CCDC88A: variants seen among roughly 807,000 people sequenced by gnomAD.
CCDC88A encodes the protein coiled-coil and HOOK domain protein 88A, also known as girdin.
A neutral mutation model predicts 234.3 loss-of-function variants in CCDC88A; 54 were observed. The ratio of observed to expected loss-of-function variants is 0.23; its 90% confidence interval spans 0.19 to 0.29. The LOEUF (loss-of-function observed/expected upper bound fraction) is 0.29. Among genes scored for constraint, CCDC88A ranks in the 10% least tolerant of loss-of-function variants. The probability of loss-of-function intolerance (pLI) is 1.00; values close to 1 mark genes in which losing one functional copy is unlikely to be tolerated. For synonymous variants in CCDC88A, 753 were observed against 737.8 expected, an observed-to-expected ratio of 1.02 and a Z score of -0.33; for missense variants, 1,832 against 2,123.4, an observed-to-expected ratio of 0.86 and a Z score of 2.70.
rs1249717153 is a variant in CCDC88A, at chr2:55,303,144, G to A, written c.4396C>T (p.Leu1466=). The change falls in exon 26 of 33, where the codon CTG becomes TTG. Residue 1466 remains leucine, a synonymous_variant. Coordinates refer to ENST00000436346, the MANE Select transcript of CCDC88A (RefSeq NM_001365480.1). ...TTCCTCAAAAAGGGCAGTCTTTTCA[G>A]TGCAACCACTTTAATGTCAGAGCAT... ...LGTKKSSMVA[L]KRLPFLRNRP... 3.9e-6 allele frequency: 6 copies of A among 1,548,346 alleles called. No individual in the cohort carries two copies. The highest frequency in any genetic ancestry group is 2.4e-5 in the South Asian group (2 of 83,972).
At chr2:55,348,274 T>C (rs1669429475) in intron 9 of CCDC88A, among the ~76,000 whole-genome samples, 3 of 123,372 alleles carry the variant, frequency 2.4e-5, no homozygotes, top group Admixed American at 2.3e-4. Flanking sequence ...CCAAGTGACT[T>C]AATTTTTTTT....
Position 55,317,150 on chromosome 2 carries a change from T to C in CCDC88A, c.3746+56A>G. On this transcript the variant is annotated intron_variant, in intron 21 of 32. Transcript: ENST00000436346. This position sits in a 1 kb window ranked among gnomAD's most constrained non-coding sequence, Gnocchi z 4.2. ...TTGAAAAAACATATATATACACATA[T>C]ATATGTATATACTTTCTATATAAAA... 1 of 706,396 alleles carries C rather than the reference T, an allele frequency of 1.4e-6. No individual in the cohort carries two copies. The highest frequency in any genetic ancestry group is 2.0e-6 in the Non-Finnish European group (1 of 492,290). 43.8% of individuals were successfully genotyped at this position (706,396 alleles called of 1,614,324 possible). A position where few individuals can be genotyped will look rare whatever the true frequency, so the allele number is the denominator to read the frequency against.
At chr2:55,375,441 C>T (rs1337005430) in intron 3 of CCDC88A, among the ~76,000 whole-genome samples, 3 of 143,508 alleles carry the variant, frequency 2.1e-5, no homozygotes, top group African/African-American at 7.8e-5. Context: ...ACTAAAAATA[C>T]ATCAAATTTA....
chr2:55,345,858 T>G, intron 10 of CCDC88A: 1 of 185,336 alleles, frequency 5.4e-6, no homozygotes. Flanking sequence ...GCTTTCACTT[T>G]TGGAAAAAAG....
intron 28 of CCDC88A, 163 bp from the exon 29 acceptor site, chr2:55,300,082 A>G (rs537286201): frequency 1.7e-6 from 1 of 587,670 alleles, no homozygotes; most frequent in East Asian, 2.9e-5. Context: ...GTTCATTGAG[A>G]CACTTTAGAA....
At chr2:55,370,199 T>C (rs1161602715) in intron 5 of CCDC88A, among the ~76,000 whole-genome samples, 1 of 152,178 alleles carries the variant, frequency 6.6e-6, no homozygotes, top group African/African-American at 2.4e-5. Context: ...CTTGACAAGC[T>C]GATATCATAT....
intron 13 of CCDC88A, 43 bp from the exon 14 acceptor site, chr2:55,336,861 T>C (rs1255093428): frequency 7.6e-7 from 1 of 1,318,324 alleles, no homozygotes; most frequent in Non-Finnish European, 1.1e-6. Flanking sequence ...AAATATTCTG[T>C]AACAGTGAAA....
chr2:55,310,011 G>A (rs1472731917), intron 23 of CCDC88A, among the ~76,000 whole-genome samples: 2 of 152,086 alleles, frequency 1.3e-5, no homozygotes, highest in Admixed American at 6.6e-5. Context: ...CTTAGATCAC[G>A]AAATAAAGCC....
At chr2:55,390,233 C>T (rs899510862) in intron 2 of CCDC88A, among the ~76,000 whole-genome samples, 2 of 151,988 alleles carry the variant, frequency 1.3e-5, no homozygotes, top group African/African-American at 4.8e-5. Flanking sequence ...AGATTCTTAT[C>T]TTTGCTTTTG....
intron 8 of CCDC88A, among the ~76,000 whole-genome samples, chr2:55,353,695 CT>C (rs1476695033): frequency 1.9e-4 from 26 of 139,506 alleles, no homozygotes; most frequent in Admixed American, 1.9e-3. Context: ...ATCCTTTGTT[CT>C]TTTAAAAGTA....
At chr2:55,379,773 C>G (rs775580790) in intron 3 of CCDC88A, among the ~76,000 whole-genome samples, 1 of 151,834 alleles carries the variant, frequency 6.6e-6, no homozygotes, top group African/African-American at 2.4e-5. Context: ...ATTAGCCAGG[C>G]GTGGTGGTGC....
intron 2 of CCDC88A, among the ~76,000 whole-genome samples, chr2:55,415,578 G>A (rs1244423550): frequency 3.3e-5 from 5 of 152,160 alleles, no homozygotes; most frequent in African/African-American, 1.2e-4. Flanking sequence ...TCTGAGCTGA[G>A]GGGACAGAAC....
intron 8 of CCDC88A, among the ~76,000 whole-genome samples, chr2:55,353,649 C>CAAAAAAAAAAAAAAAAAAAAAAA (rs34022778): frequency 1.3e-5 from 1 of 77,080 alleles, no homozygotes. Context: ...GAAACCAAAC[C>CAAAAAAAAAAAAAAAAAAAAAAA]AAAAAAAAAA....
At chr2:55,344,210 T>C (rs1057394875) in intron 11 of CCDC88A, 158 bp downstream of exon 11, 3 of 430,138 alleles carry the variant, frequency 7.0e-6, no homozygotes, top group African/African-American at 2.0e-5. Context: ...CTACTACTTT[T>C]ATATTTATAT....
Position 55,287,966 on chromosome 2 carries a change from T to TATC in CCDC88A, c.*3231_*3233dup, listed in dbSNP as rs1403854055. On this transcript the variant is annotated 3_prime_UTR_variant, in exon 33 of 33. Coordinates refer to ENST00000436346, the MANE Select transcript of CCDC88A (RefSeq NM_001365480.1). ...ATGTTTTTTAAAAAACAAACAGTGG[T>TATC]ATCTCTTGTCATGAGTTGGATGCCT... 6.6e-6 allele frequency: 1 copy of TATC among 152,634 alleles called. No individual in the cohort carries two copies. Among genetic ancestry groups the TATC allele is most frequent in the East Asian group, 1.9e-4 (1 of 5,192 alleles). 9.5% of individuals were successfully genotyped at this position (152,634 alleles called of 1,614,324 possible).
chr2:55,336,689 C>T lies in CCDC88A; in HGVS notation c.1648G>A (p.Glu550Lys). The change falls in exon 14 of 33, where the codon GAG (glutamate) becomes AAG (lysine). Residue 550 changes from glutamate to lysine, a missense_variant. This residue lies in a region of CCDC88A where 1,282 missense variants were observed against 1,543.6 expected (regional missense o/e 0.83). Coordinates refer to ENST00000436346, the MANE Select transcript of CCDC88A (RefSeq NM_001365480.1). ...KTIETLRENS[E>K]RQIKILEQEN... ...GTAAAAAATGTATGAACCTGTCTCT[C>T]TGAATTTTCTCTCAGTGTTTCTATT... is the stretch of plus-strand genomic sequence containing the variant. 1.3e-6 allele frequency: 2 copies of T among 1,567,664 alleles called. No individual in the cohort carries two copies. Among genetic ancestry groups the T allele is most frequent in the Non-Finnish European group, 1.7e-6 (2 of 1,160,340 alleles).
chr2:55,334,435 A>T lies in CCDC88A; in HGVS notation c.2386T>A (p.Leu796Met). Residue 796 changes from leucine to methionine, a missense_variant, in exon 15 of 33, where the codon TTG becomes ATG. Physicochemically the swap from Leu to Met is conservative, Grantham distance 15. Coordinates refer to ENST00000436346, the MANE Select transcript of CCDC88A (RefSeq NM_001365480.1). The surrounding 1 kb of genome is among the most constrained non-coding windows in gnomAD (Gnocchi z 6.1). ...TTTAGTTCTTCTAGGTTTTTCTGCA[A>T]TGTTTGATTTTCCATCTCTAAGTCT... The part of the protein sequence containing the change: ...LQDLEMENQT[L>M]QKNLEELKIS... 1 of 1,581,438 alleles carries T rather than the reference A, an allele frequency of 6.3e-7. No homozygotes were observed. Among genetic ancestry groups the T allele is most frequent in the Non-Finnish European group, 8.5e-7 (1 of 1,171,120 alleles).
intron 2 of CCDC88A, chr2:55,418,416 T>C (rs1210351849): frequency 5.6e-6 from 1 of 177,716 alleles, no homozygotes; most frequent in Non-Finnish European, 1.2e-5. Flanking sequence ...TATTTCTAGA[T>C]ATAAAGGTTA....
intron 2 of CCDC88A, among the ~76,000 whole-genome samples, chr2:55,413,049 T>A (rs1174629888): frequency 6.6e-6 from 1 of 151,624 alleles, no homozygotes; most frequent in African/African-American, 2.4e-5. Context: ...ATAAAAAAAA[T>A]TTTAAAAAAT....
Sources: allele counts gnomAD v4.1 joint callset (sites outside exome capture counted in the v4.1 genomes callset), GRCh38; gene constraint gnomAD v4.1.1; regional missense constraint gnomAD v4.1.1; non-coding constraint Gnocchi (gnomAD v3.1); transcripts MANE v1.5; gene names NCBI Gene and HGNC (gene_info 2026-07-23, HGNC 2026-07-21).